CCDC88A: variants seen among roughly 807,000 people sequenced by gnomAD.
The protein encoded by CCDC88A is girdin.
A neutral mutation model predicts 234.3 loss-of-function variants in CCDC88A; 54 were observed. That is an observed-to-expected ratio of 0.23 (90% CI 0.19 to 0.29). CCDC88A has a LOEUF of 0.29. CCDC88A is among the 10% of genes least tolerant of loss of function. The probability of loss-of-function intolerance (pLI) is 1.00; values close to 1 mark genes in which losing one functional copy is unlikely to be tolerated. For synonymous variants in CCDC88A, 753 were observed against 737.8 expected (o/e 1.02, Z -0.33); for missense variants, 1,832 against 2,123.4 (o/e 0.86, Z 2.70).
chr2:55,359,327 C>A (rs1670986643), intron 7 of CCDC88A, among the ~76,000 whole-genome samples: 1 of 151,894 alleles, frequency 6.6e-6, no homozygotes, highest in Non-Finnish European at 1.5e-5. Context: ...CTATCAAGAG[C>A]TTCTAGAAGT....
chr2:55,298,451 C>A (rs1680464477), intron 29 of CCDC88A, among the ~76,000 whole-genome samples: 1 of 151,982 alleles, frequency 6.6e-6, no homozygotes, highest in Non-Finnish European at 1.5e-5. Context: ...AAGAAACCCA[C>A]CTCAAAATTA....
chr2:55,335,075 C>A lies in CCDC88A; in HGVS notation c.1746G>T (p.Val582=). The A allele has an allele frequency of 6.2e-7, 1 of 1,611,594 alleles. No individual in the cohort carries two copies. The highest frequency in any genetic ancestry group is 8.5e-7 in the Non-Finnish European group (1 of 1,178,890). The part of the protein sequence containing the change: ...QRSQISAEAR[V]KDIEKENKIL... ...TTTTGTTTTCTTTTTCAATGTCTTT[C>A]ACTCTTGCTTCTGCACTTATCTGGG... The change falls in exon 15 of 33, where the codon GTG becomes GTT. Residue 582 remains valine (V), a synonymous_variant. Coordinates refer to ENST00000436346, the MANE Select transcript of CCDC88A (RefSeq NM_001365480.1). The surrounding 1 kb of genome is among the most constrained non-coding windows in gnomAD (Gnocchi z 4.5).
chr2:55,371,491 T>C (rs1672840727), intron 5 of CCDC88A, among the ~76,000 whole-genome samples: 1 of 152,124 alleles, frequency 6.6e-6, no homozygotes, highest in South Asian at 2.1e-4. Context: ...ATCCAAAAAA[T>C]GGCTGAAATG....
In CCDC88A at chr2:55,317,906, G is replaced by A; in HGVS notation, c.3325-65C>T. On this transcript the variant is annotated intron_variant, in intron 19 of 32. Transcript: ENST00000436346. This position sits in a 1 kb window ranked among gnomAD's most constrained non-coding sequence, Gnocchi z 4.2. ...GTTCATGTTCTTTTTCAAAATACAA[G>A]ATTACAATGTTAATTAAAGAAAGCT... The A allele has an allele frequency of 1.8e-6, 2 of 1,137,996 alleles. No homozygotes were observed. Among genetic ancestry groups the A allele is most frequent in the Non-Finnish European group, 2.5e-6 (2 of 801,802 alleles). 70.5% of individuals were successfully genotyped at this position (1,137,996 alleles called of 1,614,324 possible).
intron 23 of CCDC88A, among the ~76,000 whole-genome samples, chr2:55,311,425 G>C (rs1682338961): frequency 6.6e-6 from 1 of 152,182 alleles, no homozygotes; most frequent in African/African-American, 2.4e-5. Context: ...AATGTATGAT[G>C]TATCCTGGTT....
At chr2:55,367,374 T>C (rs1360218621) in intron 5 of CCDC88A, among the ~76,000 whole-genome samples, 4 of 152,102 alleles carry the variant, frequency 2.6e-5, no homozygotes, top group Non-Finnish European at 5.9e-5. Flanking sequence ...ACCACTGAAC[T>C]ATATACTTAA....
rs529678418 is a variant in CCDC88A, at chr2:55,332,544, G to C, written c.2855+22C>G. 1.3e-6 allele frequency: 2 copies of C among 1,577,590 alleles called. No individual in the cohort carries two copies. The stretch of plus-strand genomic sequence containing the variant: ...AAAAAAAAAAAATTTTCAACTGTTT[G>C]CCAAGTAGACTTAGTACTCACCTGT... On this transcript the variant is annotated intron_variant, in intron 16 of 32. Coordinates refer to ENST00000436346, the MANE Select transcript of CCDC88A (RefSeq NM_001365480.1). This position sits in a 1 kb window ranked among gnomAD's most constrained non-coding sequence, Gnocchi z 4.5.
chr2:55,377,069 T>C (rs1574353612), intron 3 of CCDC88A, among the ~76,000 whole-genome samples: 2 of 152,072 alleles, frequency 1.3e-5, no homozygotes, highest in Non-Finnish European at 2.9e-5. Flanking sequence ...CCTGACCTCA[T>C]GATCCACCTG....
Position 55,334,552 on chromosome 2 carries a change from T to C in CCDC88A, c.2269A>G (p.Ser757Gly). The C allele has an allele frequency of 6.2e-7, 1 of 1,612,824 alleles. No individual in the cohort carries two copies. Among genetic ancestry groups the C allele is most frequent in the Non-Finnish European group, 8.5e-7 (1 of 1,179,668 alleles). ...SFKKTERLEV[S>G]YQGLDIENQR... is the part of the protein sequence containing the mutation. ...TTTTCTATATCTAAACCCTGGTAGC[T>C]AACTTCTAAGCGTTCTGTTTTCTTG... Residue 757 changes from serine to glycine, a missense_variant, in exon 15 of 33, where the codon AGC (serine) becomes GGC (glycine). Physicochemically the swap from Ser to Gly is moderately conservative, Grantham distance 56. Coordinates refer to ENST00000436346, the MANE Select transcript of CCDC88A (RefSeq NM_001365480.1). This position sits in a 1 kb window ranked among gnomAD's most constrained non-coding sequence, Gnocchi z 6.1.
rs766205443 is a variant in CCDC88A, at chr2:55,363,972, G to A, written c.464C>T (p.Ala155Val). The change falls in exon 6 of 33, where the codon GCG becomes GTG. Residue 155 changes from alanine (A) to valine (V), a missense_variant. Coordinates refer to ENST00000436346, the MANE Select transcript of CCDC88A (RefSeq NM_001365480.1). ...TACCTCTTGAATATGTGCGGCAACC[G>A]CTGCTTTTGTATCAAAATCTAAACC... ...IQGLDFDTKAAVAAHIQEVTH... is the reference protein window; with the variant it reads ...IQGLDFDTKAVVAAHIQEVTH... 12 of 1,594,682 alleles carry A rather than the reference G, an allele frequency of 7.5e-6. No individual in the cohort carries two copies. Among genetic ancestry groups the A allele is most frequent in the Admixed American group, 3.4e-5 (2 of 59,262 alleles).
chr2:55,345,362 G>A (rs1668971040), intron 10 of CCDC88A: 1 of 152,038 alleles, frequency 6.6e-6, no homozygotes, highest in South Asian at 2.1e-4. Flanking sequence ...TACAGATGAG[G>A]AAATTAACTG....
chr2:55,318,699 A>C (rs902293895), intron 19 of CCDC88A, 144 bp downstream of exon 19: 4 of 528,350 alleles, frequency 7.6e-6, no homozygotes, highest in Non-Finnish European at 1.2e-5. Flanking sequence ...ATGTGTGAAA[A>C]TTTGGCATGG....
intron 2 of CCDC88A, among the ~76,000 whole-genome samples, chr2:55,400,547 G>T (rs1204593681): frequency 6.6e-6 from 1 of 152,032 alleles, no homozygotes; most frequent in Non-Finnish European, 1.5e-5. Context: ...AATAATAAAC[G>T]GACAGTAGTA....
At chr2:55,383,618 G>C (rs1158641770) in intron 3 of CCDC88A, among the ~76,000 whole-genome samples, 2 of 103,476 alleles carry the variant, frequency 1.9e-5, no homozygotes, top group Non-Finnish European at 4.3e-5. Flanking sequence ...GCGAGACTCC[G>C]TCTTAAAAAA....
intron 2 of CCDC88A, among the ~76,000 whole-genome samples, chr2:55,415,065 C>CAA (rs34977470): frequency 2.1e-3 from 260 of 123,012 alleles, no homozygotes; most frequent in Admixed American, 4.1e-3. Context: ...GACTCTGTTT[C>CAA]AAAAAAAAAA....
Position 55,388,831 on chromosome 2 carries a change from G to T in CCDC88A, c.220C>A (p.Leu74Ile). The change falls in exon 3 of 33, where the codon CTT becomes ATT. Residue 74 changes from leucine (L) to isoleucine (I), a missense_variant. Physicochemically the swap from Leu to Ile is conservative, Grantham distance 5. Transcript: ENST00000436346. ...AAAATGGATAGATTGTGCATTCTAA[G>T]TGAGGCATCATTATTGACTTTTTTA... is the stretch of plus-strand genomic sequence containing the variant. ...VNKKVNNDASLRMHNLSILVR... is the reference protein window; with the variant it reads ...VNKKVNNDASIRMHNLSILVR... 6.5e-7 allele frequency: 1 copy of T among 1,543,460 alleles called. No homozygotes were observed. Among genetic ancestry groups the T allele is most frequent in the Non-Finnish European group, 8.8e-7 (1 of 1,131,150 alleles).
chr2:55,385,784 C>G (rs1303443301), intron 3 of CCDC88A, among the ~76,000 whole-genome samples: 1 of 122,626 alleles, frequency 8.2e-6, no homozygotes, highest in Non-Finnish European at 1.6e-5. Flanking sequence ...ATCCGGGAGG[C>G]AGAGGCTGCA....
chr2:55,333,547 T>C (rs1364492754), intron 15 of CCDC88A, among the ~76,000 whole-genome samples: 2 of 152,186 alleles, frequency 1.3e-5, no homozygotes, highest in Non-Finnish European at 2.9e-5. Flanking sequence ...AACTCTGCTA[T>C]TTATTAGCTG....
chr2:55,347,358 CATT>C (rs1215512032), intron 9 of CCDC88A, among the ~76,000 whole-genome samples: 1 of 152,052 alleles, frequency 6.6e-6, no homozygotes, highest in Non-Finnish European at 1.5e-5. Context: ...TAACCTAAGA[CATT>C]ATTTGTCTTT....
Sources: gnomAD v4.1 joint callset for allele counts (sites outside exome capture counted in the v4.1 genomes callset) on GRCh38, gnomAD v4.1.1 for gene constraint, Gnocchi (gnomAD v3.1) non-coding constraint, MANE v1.5 for transcripts, NCBI Gene and HGNC (gene_info 2026-07-23, HGNC 2026-07-21) for gene names.